FUT9: variants seen among roughly 807,000 people sequenced by gnomAD.
FUT9 encodes the protein fucosyltransferase 9, also known as 4-galactosyl-N-acetylglucosaminide 3-alpha-L-fucosyltransferase 9.
In FUT9, 15 loss-of-function variants were observed where a neutral mutation model predicts 29.7. That is an observed-to-expected ratio of 0.51 (90% CI 0.34 to 0.78). The LOEUF (loss-of-function observed/expected upper bound fraction) is 0.78. Ranked by LOEUF, FUT9 falls within the 30% of genes least tolerant of loss-of-function variation. The probability of loss-of-function intolerance (pLI) is 0.01; values close to 1 mark genes in which losing one functional copy is unlikely to be tolerated. For synonymous variants in FUT9, 169 were observed against 153.7 expected (o/e 1.10, Z -0.74); for missense variants, 319 against 425.4 (o/e 0.75, Z 2.20).
chr6:96,054,451 A>G (rs921193731), intron 1 of FUT9, among the ~76,000 whole-genome samples: 1 of 152,236 alleles, frequency 6.6e-6, no homozygotes, highest in African/African-American at 2.4e-5. Flanking sequence ...TTGAGTAACT[A>G]TTATGATCCA....
chr6:96,148,684 G>T (rs1301607942), intron 2 of FUT9, among the ~76,000 whole-genome samples: 1 of 152,160 alleles, frequency 6.6e-6, no homozygotes, highest in South Asian at 2.1e-4. Context: ...TTTGTAATAG[G>T]GTTGAAAAGA....
intron 2 of FUT9, among the ~76,000 whole-genome samples, chr6:96,191,209 A>C (rs974470481): frequency 6.6e-6 from 1 of 152,120 alleles, no homozygotes; most frequent in African/African-American, 2.4e-5. Context: ...AGCTCTCAGA[A>C]GGCAAGATAT....
Position 96,204,086 on chromosome 6 carries a change from T to G in FUT9, c.931T>G (p.Leu311Val). The change falls in exon 3 of 3, where the codon TTA (leucine) becomes GTA (valine). Residue 311 changes from leucine to valine, a missense_variant. Physicochemically the swap from Leu to Val is conservative, Grantham distance 32. Transcript: ENST00000302103. The part of the protein sequence containing the change: ...YLKEVDKNNK[L>V]YLSYFNWRKD... The stretch of plus-strand genomic sequence containing the variant: ...GAAGGAAGTCGACAAAAACAATAAG[T>G]TATACCTTAGTTACTTTAACTGGAG... The G allele has an allele frequency of 6.5e-7, 1 of 1,529,108 alleles. No homozygotes were observed. The highest frequency in any genetic ancestry group is 1.3e-5 in the South Asian group (1 of 75,968). 94.7% of individuals were successfully genotyped at this position (1,529,108 alleles called of 1,614,324 possible). A position where few individuals can be genotyped will look rare whatever the true frequency, so the allele number is the denominator to read the frequency against.
At chr6:96,133,270 C>A (rs1408854141) in intron 2 of FUT9, among the ~76,000 whole-genome samples, 6 of 151,844 alleles carry the variant, frequency 4.0e-5, no homozygotes, top group Non-Finnish European at 8.8e-5. Flanking sequence ...AAAAATAGCC[C>A]TAGAAAGGTG....
At chr6:96,122,150 T>G (rs953000292) in intron 2 of FUT9, among the ~76,000 whole-genome samples, 11 of 152,236 alleles carry the variant, frequency 7.2e-5, no homozygotes, top group South Asian at 2.1e-4. Context: ...TTATATGAAA[T>G]TTTAGGGGAA....
At chr6:96,086,512 A>G (rs1423732660) in intron 1 of FUT9, among the ~76,000 whole-genome samples, 3 of 152,236 alleles carry the variant, frequency 2.0e-5, no homozygotes, top group East Asian at 3.9e-4. Flanking sequence ...CTTAAGAAAT[A>G]CTTCCCCATC....
chr6:96,107,709 T>TC (rs1771718299), intron 1 of FUT9, among the ~76,000 whole-genome samples: 2 of 152,198 alleles, frequency 1.3e-5, no homozygotes, highest in Admixed American at 1.3e-4. Flanking sequence ...TTGTCAATGG[T>TC]CCTAAGTGTT....
At chr6:96,096,734 A>G (rs1014348031) in intron 1 of FUT9, among the ~76,000 whole-genome samples, 1 of 121,306 alleles carries the variant, frequency 8.2e-6, no homozygotes, top group Non-Finnish European at 1.7e-5. Flanking sequence ...TTTACTTAAA[A>G]TTCACCTTCC....
Position 96,177,474 on chromosome 6 carries a change from C to T in FUT9, c.-8-25674C>T, listed in dbSNP as rs150736309. Among the ~76,000 whole-genome samples, 527 of 152,126 alleles carry T rather than the reference C, an allele frequency of 3.5e-3. 2 individuals carry two copies. The highest frequency in any genetic ancestry group is 0.011 in the African/African-American group (472 of 41,512). ...AAAAAATTAAGGTTCACAGAATTTG[C>T]TAAATAAAGCTTGACCACCTGCTAT... is the stretch of plus-strand genomic sequence containing the variant. On this transcript the variant is annotated intron_variant, in intron 2 of 2. Transcript: ENST00000302103.
intron 2 of FUT9, among the ~76,000 whole-genome samples, chr6:96,151,854 A>G (rs1417154012): frequency 6.6e-6 from 1 of 152,212 alleles, no homozygotes; most frequent in East Asian, 1.9e-4. Context: ...TTTAATCACC[A>G]GAGCCTGCTT....
At chr6:96,141,120 A>G (rs1401885820) in intron 2 of FUT9, among the ~76,000 whole-genome samples, 1 of 152,184 alleles carries the variant, frequency 6.6e-6, no homozygotes, top group East Asian at 1.9e-4. Context: ...CAAAGGCATT[A>G]TGTTTGTGAC....
intron 1 of FUT9, among the ~76,000 whole-genome samples, chr6:96,030,043 T>A (rs1399438512): frequency 6.6e-6 from 1 of 151,484 alleles, no homozygotes; most frequent in East Asian, 1.9e-4. Context: ...CAACTATGGG[T>A]TTTTCTGATG....
At chr6:96,020,143 A>C (rs1295239033) in intron 1 of FUT9, among the ~76,000 whole-genome samples, 1 of 152,166 alleles carries the variant, frequency 6.6e-6, no homozygotes, top group Non-Finnish European at 1.5e-5. Flanking sequence ...GGAAATATTC[A>C]AAAATTAAAC....
chr6:96,090,024 A>C (rs1324582793), intron 1 of FUT9, among the ~76,000 whole-genome samples: 2 of 152,192 alleles, frequency 1.3e-5, no homozygotes, highest in African/African-American at 4.8e-5. Flanking sequence ...AGATATGAGG[A>C]GATTTTAACA....
At chr6:96,166,976 T>A (rs111751261) in intron 2 of FUT9, among the ~76,000 whole-genome samples, 59 of 152,278 alleles carry the variant, frequency 3.9e-4, no homozygotes, top group African/African-American at 1.3e-3. Flanking sequence ...ATGCATTTTT[T>A]AAAAAATATT....
At chr6:96,103,876 G>A (rs1342218767) in intron 1 of FUT9, among the ~76,000 whole-genome samples, 1 of 152,230 alleles carries the variant, frequency 6.6e-6, no homozygotes, top group East Asian at 1.9e-4. Context: ...GTTAATTGGT[G>A]GATCCATCTT....
intron 2 of FUT9, among the ~76,000 whole-genome samples, chr6:96,175,145 T>C (rs1773182123): frequency 6.6e-6 from 1 of 152,112 alleles, no homozygotes; most frequent in Admixed American, 6.6e-5. Flanking sequence ...TCAAGTGTCT[T>C]TCAAGAACTA....
At chr6:96,094,583 C>T (rs1453672166) in intron 1 of FUT9, among the ~76,000 whole-genome samples, 6 of 152,120 alleles carry the variant, frequency 3.9e-5, no homozygotes, top group African/African-American at 1.4e-4. Flanking sequence ...TTGGTACTAT[C>T]AGTGGTTTCA....
chr6:96,103,783 T>A (rs1771630358), intron 1 of FUT9, among the ~76,000 whole-genome samples: 1 of 152,192 alleles, frequency 6.6e-6, no homozygotes, highest in African/African-American at 2.4e-5. Context: ...TTGACGTATA[T>A]TTGATGGATG....
Sources: gnomAD v4.1 joint callset for allele counts (sites outside exome capture counted in the v4.1 genomes callset) on GRCh38, gnomAD v4.1.1 for gene constraint, MANE v1.5 for transcripts, NCBI Gene and HGNC (gene_info 2026-07-23, HGNC 2026-07-21) for gene names.